Variants in CHEK1 observed in about 807,000 individuals in gnomAD.
CHEK1 encodes the protein serine/threonine-protein kinase Chk1.
In CHEK1, 32 loss-of-function variants were observed where a neutral mutation model predicts 60.2. That is an observed-to-expected ratio of 0.53 (90% CI 0.40 to 0.71). The LOEUF (loss-of-function observed/expected upper bound fraction) is 0.71. Among genes scored for constraint, CHEK1 ranks in the 30% least tolerant of loss-of-function variants. The pLI is 0.00. For missense variants in CHEK1, 399 were observed against 564.6 expected, an observed-to-expected ratio of 0.71 and a Z score of 2.97; for synonymous variants, 179 against 187.2, an observed-to-expected ratio of 0.96 and a Z score of 0.36.
intron 3 of CHEK1, 27 bp downstream of exon 3, chr11:125,627,857 T>C: frequency 2.0e-6 from 3 of 1,466,962 alleles, no homozygotes; most frequent in Non-Finnish European, 1.8e-6. Context: ...AGATAATTAT[T>C]TTAAACAAGT....
intron 1 of CHEK1, chr11:125,626,332 T>C (rs1940602745): frequency 4.4e-6 from 2 of 455,878 alleles, no homozygotes; most frequent in South Asian, 6.8e-5. Context: ...GGATGGGAAT[T>C]GGAATTGAGC....
At chr11:125,626,558 GAT>G in intron 1 of CHEK1, 189 bp from the exon 2 acceptor site, 1 of 577,578 alleles carries the variant, frequency 1.7e-6, no homozygotes, top group Non-Finnish European at 3.1e-6. Context: ...TGGCGATTGT[GAT>G]TTACACGACA....
At chr11:125,680,852 G>T, downstream of CHEK1, 1 of 1,305,904 alleles carries the variant, frequency 7.7e-7, no homozygotes, top group Non-Finnish European at 1.1e-6. Flanking sequence ...CAAACTGCGA[G>T]CAAAAGCTTC....
At chr11:125,662,014 T>C (rs1942027450), downstream of CHEK1, among the ~76,000 whole-genome samples, 1 of 152,182 alleles carries the variant, frequency 6.6e-6, no homozygotes, top group Admixed American at 6.5e-5. Context: ...CCAGAATTCC[T>C]CATGATACCC....
intron 3 of CHEK1, among the ~76,000 whole-genome samples, chr11:125,628,692 A>T (rs1565362631): frequency 6.6e-6 from 1 of 152,126 alleles, no homozygotes; most frequent in Non-Finnish European, 1.5e-5. Flanking sequence ...AGGCAGGAGG[A>T]TTGCTTGAGC....
At chr11:125,635,277 A>G (rs928649282) in intron 6 of CHEK1, 152 bp from the exon 7 acceptor site, 10 of 500,502 alleles carry the variant, frequency 2.0e-5, no homozygotes, top group Non-Finnish European at 2.8e-5. Context: ...CTATCTTTGA[A>G]GTGCCTCTAA....
chr11:125,680,731 C>T, downstream of CHEK1: 1 of 1,613,596 alleles, frequency 6.2e-7, no homozygotes. Context: ...ACACTCACCT[C>T]TGGCAGATCC....
chr11:125,680,821 C>G (rs1219260495), downstream of CHEK1: 3 of 1,556,420 alleles, frequency 1.9e-6, no homozygotes, highest in East Asian at 4.5e-5. Context: ...TGGGCCACAG[C>G]TTCTTCACAG....
chr11:125,677,833 G>T (rs758661156), downstream of CHEK1: 1 of 1,614,156 alleles, frequency 6.2e-7, no homozygotes, highest in African/African-American at 1.3e-5. Context: ...CCTGAAGCCT[G>T]TTCCCCTGAA....
At chr11:125,632,464 A>C (rs1940902416) in intron 5 of CHEK1, among the ~76,000 whole-genome samples, 1 of 152,118 alleles carries the variant, frequency 6.6e-6, no homozygotes, top group East Asian at 1.9e-4. Context: ...CCTTCATAAC[A>C]GTTTTCTATT....
chr11:125,669,716 G>A (rs1942165423), intron 13 of CHEK1, among the ~76,000 whole-genome samples: 1 of 151,510 alleles, frequency 6.6e-6, no homozygotes, highest in Non-Finnish European at 1.5e-5. Context: ...AGTAGAGACG[G>A]GATTTCACCA....
At chr11:125,644,372 C>T (rs1025395686) in intron 10 of CHEK1, 104 bp downstream of exon 10, 3 of 1,454,806 alleles carry the variant, frequency 2.1e-6, no homozygotes, top group Admixed American at 4.6e-5. Context: ...TTTTAAATCA[C>T]ATGTATTCTT....
chr11:125,676,439 TC>T (rs780628221), downstream of CHEK1: 14 of 1,614,054 alleles, frequency 8.7e-6, no homozygotes, highest in Admixed American at 3.3e-5. Context: ...TTTTCCTTGA[TC>T]ATTCATATAA....
chr11:125,630,003 C>T (rs747054468), intron 5 of CHEK1, among the ~76,000 whole-genome samples: 2 of 151,878 alleles, frequency 1.3e-5, no homozygotes, highest in Non-Finnish European at 1.5e-5. Context: ...GGATTATAGA[C>T]GTGAGCCACC....
At chr11:125,673,198 CTTTCT>C (rs140314927) in intron 13 of CHEK1, among the ~76,000 whole-genome samples, 44,398 of 132,990 alleles carry the variant, frequency 0.33, 6,585 homozygotes, top group East Asian at 0.44. Context: ...GGACTACACC[CTTTCT>C]TTTCTTTTCT....
chr11:125,661,261 T>G (rs1344995362), downstream of CHEK1, among the ~76,000 whole-genome samples: 1 of 152,110 alleles, frequency 6.6e-6, no homozygotes, highest in Admixed American at 6.6e-5. Context: ...TTCCACTGGA[T>G]TTGCATTCTT....
chr11:125,656,148 A>AG lies in CHEK1; in HGVS notation c.*829dup. On this transcript the variant is annotated 3_prime_UTR_variant, in exon 13 of 13. Coordinates refer to ENST00000438015, the MANE Select transcript of CHEK1 (RefSeq NM_001114122.3). ...CTGATTCTTTGTTCCTTTACCTGTT[A>AG]GACTTACAAAAAGTTTGTTTTTCTA... 4.7e-6 allele frequency: 1 copy of AG among 210,792 alleles called. No individual in the cohort carries two copies. The highest frequency in any genetic ancestry group is 9.6e-6 in the Non-Finnish European group (1 of 103,782). 13.1% of individuals were successfully genotyped at this position (210,792 alleles called of 1,614,324 possible).
chr11:125,633,084 C>A, intron 5 of CHEK1, 79 bp from the exon 6 acceptor site: 1 of 1,294,804 alleles, frequency 7.7e-7, no homozygotes, highest in Non-Finnish European at 1.0e-6. Flanking sequence ...GATTTTTTTT[C>A]AGTAAAACTT....
At chr11:125,629,139 A>T in intron 3 of CHEK1, 93 bp from the exon 4 acceptor site, 1 of 1,243,356 alleles carries the variant, frequency 8.0e-7, no homozygotes, top group Non-Finnish European at 1.2e-6. Context: ...TTGCCTAAGC[A>T]CATTTGTAAA....
Sources: gnomAD v4.1 joint callset for allele counts (sites outside exome capture counted in the v4.1 genomes callset) on GRCh38, gnomAD v4.1.1 for gene constraint, MANE v1.5 for transcripts, NCBI Gene and HGNC (gene_info 2026-07-23, HGNC 2026-07-21) for gene names.